PTCSC3: variants seen among roughly 807,000 people sequenced by gnomAD.
PTCSC3 encodes papillary thyroid carcinoma susceptibility candidate 3.
intron 3 of PTCSC3, among the ~76,000 whole-genome samples, chr14:36,148,193 A>T (rs1339603455): frequency 6.6e-6 from 1 of 151,938 alleles, no homozygotes; most frequent in African/African-American, 2.4e-5. Flanking sequence ...GGCTCCACCC[A>T]GTTTGAGCTT....
chr14:36,155,037 T>A (rs1026358574), intron 2 of PTCSC3, among the ~76,000 whole-genome samples: 8 of 152,278 alleles, frequency 5.3e-5, no homozygotes, highest in Admixed American at 5.2e-4. Flanking sequence ...CTTTTTCTCC[T>A]TTAAGGTGAG....
chr14:36,139,119 TAAAA>T (rs370864635), intron 3 of PTCSC3, among the ~76,000 whole-genome samples: 4 of 106,588 alleles, frequency 3.8e-5, no homozygotes, highest in Non-Finnish European at 5.4e-5. Context: ...ATCTCAAAAA[TAAAA>T]AAAAAAAAAA....
At chr14:36,154,839 G>C (rs1350980514) in intron 2 of PTCSC3, among the ~76,000 whole-genome samples, 1 of 152,134 alleles carries the variant, frequency 6.6e-6, no homozygotes, top group Admixed American at 6.5e-5. Context: ...AATTTTAATT[G>C]TTATGTAAAA....
chr14:36,153,468 C>T (rs1881766239), intron 3 of PTCSC3, among the ~76,000 whole-genome samples: 2 of 152,150 alleles, frequency 1.3e-5, no homozygotes, highest in South Asian at 2.1e-4. Flanking sequence ...AGTGTTGACA[C>T]GATGTTGACA....
At chr14:36,143,046 C>G (rs892172544) in intron 3 of PTCSC3, among the ~76,000 whole-genome samples, 6 of 151,972 alleles carry the variant, frequency 3.9e-5, no homozygotes, top group African/African-American at 1.2e-4. Context: ...TTTTCTTAAT[C>G]CAGTCTATCA....
At chr14:36,151,284 C>G (rs747392862) in intron 3 of PTCSC3, among the ~76,000 whole-genome samples, 1 of 151,660 alleles carries the variant, frequency 6.6e-6, no homozygotes, top group Non-Finnish European at 1.5e-5. Context: ...AAGGTATTAC[C>G]CCCCCGCCCC....
At chr14:36,142,373 T>C (rs1336659387) in intron 3 of PTCSC3, among the ~76,000 whole-genome samples, 2 of 152,230 alleles carry the variant, frequency 1.3e-5, no homozygotes, top group Non-Finnish European at 2.9e-5. Context: ...GATGGATTGA[T>C]TGATTTCCTC....
chr14:36,146,574 T>C (rs1405192109), intron 3 of PTCSC3, among the ~76,000 whole-genome samples: 1 of 152,164 alleles, frequency 6.6e-6, no homozygotes, highest in African/African-American at 2.4e-5. Context: ...ATGAGATGGG[T>C]TTCCTGAATA....
At chr14:36,154,560 C>G (rs1433274015) in intron 2 of PTCSC3, among the ~76,000 whole-genome samples, 3 of 152,166 alleles carry the variant, frequency 2.0e-5, no homozygotes, top group East Asian at 3.9e-4. Flanking sequence ...ACTCTAGGAA[C>G]TGTGTGAAAG....
intron 1 of PTCSC3, among the ~76,000 whole-genome samples, chr14:36,163,649 C>T (rs761217548): frequency 6.6e-6 from 1 of 152,238 alleles, no homozygotes; most frequent in Non-Finnish European, 1.5e-5. Context: ...GCCAGAAAAC[C>T]GTTAAGCTTA....
intron 3 of PTCSC3, among the ~76,000 whole-genome samples, chr14:36,152,975 A>G (rs533026956): frequency 2.6e-5 from 4 of 152,198 alleles, no homozygotes; most frequent in Admixed American, 1.3e-4. Flanking sequence ...AAAAGAGGAC[A>G]GCTGTTTCAG....
chr14:36,141,381 T>C (rs1881417279), intron 3 of PTCSC3, among the ~76,000 whole-genome samples: 1 of 152,098 alleles, frequency 6.6e-6, no homozygotes, highest in African/African-American at 2.4e-5. Flanking sequence ...GAAATATCTT[T>C]CCCTTTATTT....
At chr14:36,154,604 G>C (rs954941782) in intron 2 of PTCSC3, among the ~76,000 whole-genome samples, 1 of 152,152 alleles carries the variant, frequency 6.6e-6, no homozygotes, top group African/African-American at 2.4e-5. Context: ...GGAATGTCAG[G>C]AGGCGTTGGT....
chr14:36,175,000 G>T (rs928444172), intron 1 of PTCSC3, among the ~76,000 whole-genome samples: 1 of 152,114 alleles, frequency 6.6e-6, no homozygotes, highest in Non-Finnish European at 1.5e-5. Flanking sequence ...ATCTAGTAAA[G>T]CTCGGGTCGC....
At chr14:36,149,294 C>G (rs1881669081) in intron 3 of PTCSC3, among the ~76,000 whole-genome samples, 1 of 151,996 alleles carries the variant, frequency 6.6e-6, no homozygotes, top group Non-Finnish European at 1.5e-5. Context: ...TGAGATCCAT[C>G]TCGATATTTT....
intron 2 of PTCSC3, among the ~76,000 whole-genome samples, chr14:36,161,617 G>T (rs547422910): frequency 6.6e-6 from 1 of 152,136 alleles, no homozygotes; most frequent in Non-Finnish European, 1.5e-5. Context: ...AGGGGCACCC[G>T]CCAGATGCCA....
chr14:36,173,554 G>A (rs1234244296), intron 1 of PTCSC3, among the ~76,000 whole-genome samples: 2 of 145,654 alleles, frequency 1.4e-5, no homozygotes, highest in Non-Finnish European at 3.0e-5. Flanking sequence ...TATTAAGACA[G>A]TTAACTCTTA....
intron 2 of PTCSC3, among the ~76,000 whole-genome samples, chr14:36,162,434 C>A (rs1881984762): frequency 6.6e-6 from 1 of 152,076 alleles, no homozygotes; most frequent in Admixed American, 6.5e-5. Flanking sequence ...TCAAAGTGCA[C>A]CCTTCCTCAT....
At chr14:36,172,562 C>T (rs1322851935) in intron 1 of PTCSC3, among the ~76,000 whole-genome samples, 1 of 152,124 alleles carries the variant, frequency 6.6e-6, no homozygotes, top group Admixed American at 6.6e-5. Context: ...CAATTCTGAA[C>T]ATTTGCCTAA....
Sources: gnomAD v4.1 joint callset for allele counts (sites outside exome capture counted in the v4.1 genomes callset) on GRCh38, gnomAD v4.1.1 for gene constraint, MANE v1.5 for transcripts, NCBI Gene and HGNC (gene_info 2026-07-23, HGNC 2026-07-21) for gene names.